Variants in TYW1B observed in about 807,000 individuals in gnomAD.
The protein encoded by TYW1B is S-adenosyl-L-methionine-dependent tRNA 4-demethylwyosine synthase TYW1B.
In TYW1B, 73 loss-of-function variants were observed where a neutral mutation model predicts 86.9. That is an observed-to-expected ratio of 0.84 (90% CI 0.70 to 1.02). The LOEUF is 1.02. TYW1B is among the 50% of genes least tolerant of loss of function. The pLI, the probability that TYW1B is intolerant of heterozygous loss-of-function variation, is 0.00. For synonymous variants in TYW1B, 248 were observed against 292.8 expected (o/e 0.85, Z 1.56); for missense variants, 637 against 827.4 (o/e 0.77, Z 2.82).
intron 13 of TYW1B, among the ~76,000 whole-genome samples, chr7:72,606,330 C>G (rs760084186): frequency 6.6e-6 from 1 of 152,156 alleles, no homozygotes; most frequent in Non-Finnish European, 1.5e-5. Context: ...CCCATCCGGT[C>G]AGCAAACACT....
chr7:72,701,064 A>AG (rs1327480621), intron 10 of TYW1B, among the ~76,000 whole-genome samples: 2 of 149,422 alleles, frequency 1.3e-5, no homozygotes, highest in East Asian at 3.9e-4. Context: ...ATTCCATCTC[A>AG]GAAAAAAAAA....
chr7:72,654,201 T>G (rs1261724624), intron 11 of TYW1B, among the ~76,000 whole-genome samples: 1 of 151,920 alleles, frequency 6.6e-6, no homozygotes, highest in Non-Finnish European at 1.5e-5. Context: ...AGTAAGAAAC[T>G]GCATACTTTC....
At chr7:72,704,347 T>C (rs201138387) in intron 10 of TYW1B, among the ~76,000 whole-genome samples, 1 of 150,148 alleles carries the variant, frequency 6.7e-6, no homozygotes, top group African/African-American at 2.5e-5. Context: ...GGCACGAGAA[T>C]TGCTTGAACC....
chr7:72,823,422 C>T (rs13307594), intron 2 of TYW1B, among the ~76,000 whole-genome samples: 3 of 151,948 alleles, frequency 2.0e-5, no homozygotes, highest in African/African-American at 2.4e-5. Context: ...GAGTTCGAGA[C>T]CAGTCAGACC....
intron 11 of TYW1B, among the ~76,000 whole-genome samples, chr7:72,673,862 C>A (rs7785980): frequency 0.23 from 34,354 of 151,870 alleles, 4,592 homozygotes; most frequent in African/African-American, 0.39. Context: ...ATCTCAGGTA[C>A]CTTATAAATA....
At chr7:72,622,221 T>C (rs1371032833) in intron 12 of TYW1B, among the ~76,000 whole-genome samples, 2 of 152,182 alleles carry the variant, frequency 1.3e-5, no homozygotes, top group Non-Finnish European at 2.9e-5. Context: ...TCTTTAAGCC[T>C]AATGAAGCTA....
intron 7 of TYW1B, among the ~76,000 whole-genome samples, chr7:72,746,391 GAAATGTCCAAC>G (rs1787394592): frequency 6.6e-6 from 1 of 152,128 alleles, no homozygotes; most frequent in Non-Finnish European, 1.5e-5. Context: ...ACTGAAAACC[GAAATGTCCAAC>G]AAATGCTAGT....
intron 8 of TYW1B, among the ~76,000 whole-genome samples, chr7:72,734,311 T>C (rs1787163706): frequency 7.1e-6 from 1 of 141,606 alleles, no homozygotes; most frequent in South Asian, 2.2e-4. Context: ...CAAAGCAGCA[T>C]GGTATTGATA....
At position 72,810,638 on chromosome 7, in the gene TYW1B, G is replaced by C. The variant is rs1554477959; in HGVS notation, c.265C>G (p.Leu89Val). ...AGGCCGTCAGTGTATGTCGCAACCA[G>C]GAAGACACAGACATTTTTACTAGTC... ...EVTSKNVCVF[L>V]VATYTDGLPT... Residue 89 changes from leucine to valine, a missense_variant, in exon 4 of 14, where the codon CTG (leucine) becomes GTG (valine). Coordinates refer to ENST00000620995, the MANE Select transcript of TYW1B (RefSeq NM_001145440.3). The C allele has an allele frequency of 1.2e-6, 2 of 1,611,958 alleles. No homozygotes were observed. Among genetic ancestry groups the C allele is most frequent in the South Asian group, 2.2e-5 (2 of 90,870 alleles).
intron 7 of TYW1B, among the ~76,000 whole-genome samples, chr7:72,752,016 T>G (rs13237657): frequency 6.6e-6 from 1 of 151,720 alleles, no homozygotes; most frequent in East Asian, 1.9e-4. Flanking sequence ...TTGTGGCAGC[T>G]TGTCTGGCTT....
chr7:72,740,405 G>GA (rs71071908), intron 8 of TYW1B, among the ~76,000 whole-genome samples: 5 of 132,110 alleles, frequency 3.8e-5, no homozygotes, highest in East Asian at 4.6e-4. Context: ...GTCTCAAAAG[G>GA]AAAAAAAAAA....
intron 11 of TYW1B, among the ~76,000 whole-genome samples, chr7:72,684,209 C>T (rs1312765554): frequency 6.6e-6 from 1 of 152,018 alleles, no homozygotes; most frequent in African/African-American, 2.4e-5. Flanking sequence ...TGTCAGGCCC[C>T]AAACCACAGT....
At chr7:72,672,473 A>AACACACAC (rs57744814) in intron 11 of TYW1B, among the ~76,000 whole-genome samples, 13,561 of 140,708 alleles carry the variant, frequency 0.096, 862 homozygotes, top group East Asian at 0.24. Context: ...TACACACACA[A>AACACACAC]ACACACACAC....
chr7:72,726,884 G>A (rs1410921098), intron 9 of TYW1B, among the ~76,000 whole-genome samples: 3 of 152,140 alleles, frequency 2.0e-5, no homozygotes, highest in Non-Finnish European at 2.9e-5. Flanking sequence ...CACAGCGGAA[G>A]GCAAAGGGGA....
chr7:72,665,749 G>T (rs1255360721), intron 11 of TYW1B, among the ~76,000 whole-genome samples: 2 of 152,160 alleles, frequency 1.3e-5, no homozygotes, highest in African/African-American at 4.8e-5. Context: ...TCAGAAAACA[G>T]GGGCCTTATC....
intron 2 of TYW1B, among the ~76,000 whole-genome samples, chr7:72,819,999 G>T (rs536113753): frequency 7.4e-4 from 112 of 152,252 alleles, no homozygotes; most frequent in African/African-American, 2.5e-3. Flanking sequence ...TTCAAGCAGG[G>T]CATGGTGGCT....
intron 11 of TYW1B, among the ~76,000 whole-genome samples, chr7:72,692,447 G>A (rs1238983594): frequency 6.6e-5 from 10 of 152,040 alleles, no homozygotes; most frequent in Non-Finnish European, 1.5e-4. Flanking sequence ...CCAGGAGTTG[G>A]AGGCTCCAGT....
At chr7:72,824,633 A>C (rs1554481120) in intron 2 of TYW1B, among the ~76,000 whole-genome samples, 1 of 151,958 alleles carries the variant, frequency 6.6e-6, no homozygotes, top group African/African-American at 2.4e-5. Context: ...CCCAGCTACT[A>C]GGGAGGCTGA....
At chr7:72,701,158 T>C (rs1156856150) in intron 10 of TYW1B, among the ~76,000 whole-genome samples, 2 of 152,210 alleles carry the variant, frequency 1.3e-5, no homozygotes, top group African/African-American at 4.8e-5. Context: ...AAGTCCAACA[T>C]CTAGGCTTCC....
Sources: gnomAD v4.1 joint callset for allele counts (sites outside exome capture counted in the v4.1 genomes callset) on GRCh38, gnomAD v4.1.1 for gene constraint, MANE v1.5 for transcripts, NCBI Gene and HGNC (gene_info 2026-07-23, HGNC 2026-07-21) for gene names.